The following MYO7B variants were observed in gnomAD, a reference collection of about 807,000 sequenced individuals.
MYO7B encodes unconventional myosin-VIIb.
Under a neutral mutation model 259.7 loss-of-function variants are expected in MYO7B, and 212 were observed. The ratio of observed to expected loss-of-function variants is 0.82; its 90% confidence interval spans 0.73 to 0.91. MYO7B has a LOEUF of 0.91. MYO7B is among the 40% of genes least tolerant of loss of function. The pLI is 0.00. For synonymous variants in MYO7B, 1,197 were observed against 1,166.4 expected, an observed-to-expected ratio of 1.03 and a Z score of -0.54; for missense variants, 2,732 against 2,813.5, an observed-to-expected ratio of 0.97 and a Z score of 0.66.
At chr2:127,567,126 G>C (rs577702262) in intron 5 of MYO7B, among the ~76,000 whole-genome samples, 1 of 152,134 alleles carries the variant, frequency 6.6e-6, no homozygotes, top group East Asian at 1.9e-4. Context: ...CCCAGGAGTC[G>C]GGCATAGTAG....
chr2:127,579,140 G>A (rs1049186827), intron 9 of MYO7B, among the ~76,000 whole-genome samples: 1 of 152,190 alleles, frequency 6.6e-6, no homozygotes, highest in African/African-American at 2.4e-5. Context: ...AATGGCGGGA[G>A]ATGTCAGAGA....
intron 1 of MYO7B, among the ~76,000 whole-genome samples, chr2:127,557,228 T>C (rs1322107156): frequency 1.3e-5 from 2 of 152,140 alleles, no homozygotes; most frequent in Non-Finnish European, 2.9e-5. Context: ...TCTCTAAGTG[T>C]GTCCCTTGTT....
chr2:127,616,603 G>T (rs1226358692), intron 26 of MYO7B, among the ~76,000 whole-genome samples: 1 of 152,226 alleles, frequency 6.6e-6, no homozygotes, highest in African/African-American at 2.4e-5. Context: ...TGTTGGCAAA[G>T]GTCCCCAGAT....
rs1270526589 is a variant in MYO7B, at chr2:127,634,144, C to A, written c.5512-32C>A. On this transcript the variant is annotated intron_variant, in intron 40 of 47. Transcript: ENST00000409816. ...TGGGCTGTACTGGCCCCTAGCCAGGCCCCGGGCCTCACCAGCTGCCTCTCT... is the reference window on the plus strand; with the variant it reads ...TGGGCTGTACTGGCCCCTAGCCAGGACCCGGGCCTCACCAGCTGCCTCTCT... 4.5e-6 allele frequency: 7 copies of A among 1,541,374 alleles called. No individual in the cohort carries two copies. The African/African-American group carries it at 5.5e-5, about 12-fold the overall frequency.
At chr2:127,561,667 C>T (rs991261730) in intron 2 of MYO7B, among the ~76,000 whole-genome samples, 2 of 152,158 alleles carry the variant, frequency 1.3e-5, no homozygotes, top group African/African-American at 2.4e-5. Context: ...CCCTGTGAAG[C>T]GGGCCCTTTC....
chr2:127,587,568 C>CTTTTTTTTTTT (rs61624532), intron 14 of MYO7B, among the ~76,000 whole-genome samples: 1 of 122,428 alleles, frequency 8.2e-6, no homozygotes, highest in African/African-American at 3.0e-5. Context: ...TTCTTTCTTT[C>CTTTTTTTTTTT]TTTTTTTTTT....
chr2:127,634,318 T>C (rs769579720), intron 41 of MYO7B, 29 bp downstream of exon 41: 6 of 1,499,462 alleles, frequency 4.0e-6, no homozygotes, highest in South Asian at 1.2e-5. Flanking sequence ...GGGCAGACGG[T>C]GGGCGGACGG....
intron 7 of MYO7B, among the ~76,000 whole-genome samples, chr2:127,575,461 C>T (rs972581281): frequency 1.3e-5 from 2 of 151,750 alleles, no homozygotes; most frequent in African/African-American, 4.8e-5. Flanking sequence ...TACGGCATAT[C>T]TATACTACAG....
In MYO7B at chr2:127,615,060, A is replaced by G. The variant is rs903814543; in HGVS notation, c.3398+2457A>G. Among the ~76,000 whole-genome samples, 1 of 152,090 alleles carries G rather than the reference A, an allele frequency of 6.6e-6. No homozygotes were observed. Among genetic ancestry groups the G allele is most frequent in the Non-Finnish European group, 1.5e-5 (1 of 68,010 alleles). ...AGAAGACATGGCTCTGTCCTGGAGG[A>G]GCTCACCCTTTAGCTGGGGGGCACG... On this transcript the variant is annotated intron_variant, in intron 26 of 47. Coordinates refer to ENST00000409816, the MANE Select transcript of MYO7B (RefSeq NM_001393586.1). This position sits in a 1 kb window ranked among gnomAD's most constrained non-coding sequence, Gnocchi z 4.4.
chr2:127,623,360 C>T lies in MYO7B; in HGVS notation c.3804C>T (p.Val1268=), dbSNP rs771181371. The change falls in exon 29 of 48, where the codon GTC becomes GTT. Residue 1268 remains valine, a synonymous_variant. Transcript: ENST00000409816. ...ACCACCTGGGCTTCTCCCTCCAGGT[C>T]GCCGTGTACGACAAGGTACCAGCCA... ...LSDHLGFSLQ[V]AVYDKFWSLG... The T allele has an allele frequency of 1.7e-5, 27 of 1,594,962 alleles. No homozygotes were observed. Among genetic ancestry groups the T allele is most frequent in the Admixed American group, 5.1e-5 (3 of 58,730 alleles).
At chr2:127,624,400 T>C in intron 30 of MYO7B, 80 bp downstream of exon 30, 4 of 1,272,400 alleles carry the variant, frequency 3.1e-6, no homozygotes, top group Non-Finnish European at 4.3e-6. Context: ...AACTGGCTTC[T>C]GAGGCCAGGT....
At chr2:127,612,691 C>T (rs1680433355) in intron 26 of MYO7B, 88 bp downstream of exon 26, 2 of 1,520,036 alleles carry the variant, frequency 1.3e-6, no homozygotes, top group East Asian at 4.8e-5. Flanking sequence ...CCCCCACCAC[C>T]CCTATGACAC....
intron 6 of MYO7B, among the ~76,000 whole-genome samples, chr2:127,573,091 A>G (rs1164077607): frequency 6.6e-6 from 1 of 152,154 alleles, no homozygotes; most frequent in Non-Finnish European, 1.5e-5. Flanking sequence ...CTCGAGAGAG[A>G]GACAGGGTGC....
At chr2:127,621,274 T>G (rs558913624) in intron 27 of MYO7B, among the ~76,000 whole-genome samples, 1 of 150,980 alleles carries the variant, frequency 6.6e-6, no homozygotes, top group Non-Finnish European at 1.5e-5. Flanking sequence ...TGTTTTTTTT[T>G]TTTTTTTGAG....
At position 127,633,450 on chromosome 2, in the gene MYO7B, G is replaced by GT. The variant is rs1681630485; in HGVS notation, c.5511+88dup. The GT allele has an allele frequency of 4.1e-5, 55 of 1,356,872 alleles. No individual in the cohort carries two copies. The South Asian group carries it at 6.8e-4, about 17-fold the overall frequency. The allele number at this position is 1,356,872 out of a possible 1,614,324, so 84.1% of individuals were successfully genotyped here. On this transcript the variant is annotated intron_variant, in intron 40 of 47. Transcript: ENST00000409816. The stretch of plus-strand genomic sequence containing the variant: ...CCTTCCTGGCCCAGCCTGCTCCTTG[G>GT]TAACCCCAGAGAGCCTTTTCTAGGG...
chr2:127,618,430 G>T (rs1241122052), intron 26 of MYO7B, among the ~76,000 whole-genome samples: 1 of 152,118 alleles, frequency 6.6e-6, no homozygotes, highest in Non-Finnish European at 1.5e-5. Flanking sequence ...GTAACGATTG[G>T]TCAGCTGCTT....
chr2:127,631,015 A>C (rs1049980573), intron 36 of MYO7B, 107 bp downstream of exon 36: 59 of 1,382,724 alleles, frequency 4.3e-5, no homozygotes, highest in Non-Finnish European at 5.6e-5. Flanking sequence ...GCACCCACTG[A>C]GAGCTGCAGA....
intron 18 of MYO7B, among the ~76,000 whole-genome samples, chr2:127,594,100 G>A (rs1406992805): frequency 6.6e-6 from 1 of 152,266 alleles, no homozygotes; most frequent in Non-Finnish European, 1.5e-5. Flanking sequence ...AGGGTGCTGT[G>A]TGTCAACTCT....
intron 34 of MYO7B, among the ~76,000 whole-genome samples, 190 bp from the exon 35 acceptor site, chr2:127,629,455 G>T (rs1681341216): frequency 6.6e-6 from 1 of 152,090 alleles, no homozygotes; most frequent in African/African-American, 2.4e-5. Flanking sequence ...CTGTGCCTGT[G>T]CAGCTGCAGC....
Sources: allele counts gnomAD v4.1 joint callset (sites outside exome capture counted in the v4.1 genomes callset), GRCh38; gene constraint gnomAD v4.1.1; non-coding constraint Gnocchi (gnomAD v3.1); transcripts MANE v1.5; gene names NCBI Gene and HGNC (gene_info 2026-07-23, HGNC 2026-07-21).